Variants in CLIP1 observed in about 807,000 individuals in gnomAD.
CLIP1 encodes CAP-Gly domain containing linker protein 1, also known as CAP-Gly domain-containing linker protein 1.
A neutral mutation model predicts 161.6 loss-of-function variants in CLIP1; 66 were observed. The observed-to-expected ratio is 0.41, with a 90% CI of 0.33 to 0.50. The LOEUF is 0.50. Among genes scored for constraint, CLIP1 ranks in the 20% least tolerant of loss-of-function variants. The probability of loss-of-function intolerance (pLI) is 0.27; values close to 1 mark genes in which losing one functional copy is unlikely to be tolerated. For missense variants in CLIP1, 1,376 were observed against 1,702.0 expected, an observed-to-expected ratio of 0.81 and a Z score of 3.37; for synonymous variants, 598 against 626.2, an observed-to-expected ratio of 0.96 and a Z score of 0.67.
intron 17 of CLIP1, among the ~76,000 whole-genome samples, chr12:122,320,334 A>G (rs1386246662): frequency 6.6e-6 from 1 of 152,038 alleles, no homozygotes; most frequent in African/African-American, 2.4e-5. Context: ...TAGGCATGGT[A>G]GCATGTGCCT....
rs1175568394 is a variant in CLIP1 at position 122,341,902 on chromosome 12, G to A, written c.1507-205C>T. 12 of 365,194 alleles carry A rather than the reference G, an allele frequency of 3.3e-5. 1 individual carries two copies. Among genetic ancestry groups the A allele is most frequent in the Admixed American group, 2.3e-4 (5 of 21,614 alleles). The allele number at this position is 365,194 out of a possible 1,614,324, so 22.6% of individuals were successfully genotyped here. A position where few individuals can be genotyped will look rare whatever the true frequency, so the allele number is the denominator to read the frequency against. On this transcript the variant is annotated intron_variant, in intron 10 of 25. Transcript: ENST00000620786. ...GGGTTCAGGCGATTCTCCTGCCTCAGCCTCCTGAGTAGCTAGGATTACAGG... is the reference window on the plus strand; with the variant it reads ...GGGTTCAGGCGATTCTCCTGCCTCAACCTCCTGAGTAGCTAGGATTACAGG...
intron 1 of CLIP1, among the ~76,000 whole-genome samples, chr12:122,412,449 G>C (rs1378549317): frequency 1.3e-5 from 2 of 151,896 alleles, no homozygotes; most frequent in African/African-American, 4.8e-5. Context: ...GAGGTCATCA[G>C]TTTGAGACCA....
intron 23 of CLIP1, 106 bp downstream of exon 23, chr12:122,278,686 A>G: frequency 8.4e-7 from 1 of 1,192,528 alleles, no homozygotes; most frequent in Non-Finnish European, 1.2e-6. Context: ...AAGGAGAGTC[A>G]GGGTCAGGGC....
chr12:122,354,645 T>C, intron 6 of CLIP1, 89 bp from the exon 7 acceptor site: 2 of 1,020,696 alleles, frequency 2.0e-6, no homozygotes, highest in African/African-American at 1.6e-5. Context: ...TGGGTCACCA[T>C]GGTGGGTGGG....
In CLIP1 at chr12:122,318,075, G is replaced by C. The variant is rs536223919; in HGVS notation, c.3366+1157C>G. Among the ~76,000 whole-genome samples the C allele has an allele frequency of 8.5e-5, 13 of 152,262 alleles. No individual in the cohort carries two copies. In the South Asian group the frequency reaches 2.7e-3, roughly 32 times the overall value. ...TCTATAAATGTACTTCCTTCTATGTGAAGTGTTGTTATTTATCATATCATT... is the reference window on the plus strand; with the variant it reads ...TCTATAAATGTACTTCCTTCTATGTCAAGTGTTGTTATTTATCATATCATT... On this transcript the variant is annotated intron_variant, in intron 18 of 25. Transcript: ENST00000620786.
chr12:122,334,018 T>TC lies in CLIP1; in HGVS notation c.2710+8dup. 1 of 1,575,998 alleles carries TC rather than the reference T, an allele frequency of 6.3e-7. No homozygotes were observed. ...ATTTAATGTTTAGTCACCAGAGATG[T>TC]CTTCTTACCTGCTAAGTTTTCTCTC... On this transcript the variant is annotated intron_variant, in intron 14 of 25. Transcript: ENST00000620786.
chr12:122,272,796 T>C lies in CLIP1; in HGVS notation c.*79A>G. The stretch of plus-strand genomic sequence containing the variant: ...AAAAATAACATGAGTTCTCCTGAAG[T>C]CTGCACACACAATGCTGGTGTTACG... On this transcript the variant is annotated 3_prime_UTR_variant, in exon 26 of 26. Coordinates refer to ENST00000620786, the MANE Select transcript of CLIP1 (RefSeq NM_001247997.2). 3 of 1,213,722 alleles carry C rather than the reference T, an allele frequency of 2.5e-6. No homozygotes were observed. Among genetic ancestry groups the C allele is most frequent in the Non-Finnish European group, 3.7e-6 (3 of 820,690 alleles). 75.2% of individuals were successfully genotyped at this position (1,213,722 alleles called of 1,614,324 possible). A position where few individuals can be genotyped will look rare whatever the true frequency, so the allele number is the denominator to read the frequency against.
intron 1 of CLIP1, among the ~76,000 whole-genome samples, chr12:122,420,220 C>T (rs1471996769): frequency 1.3e-5 from 2 of 151,686 alleles, no homozygotes; most frequent in Non-Finnish European, 2.9e-5. Context: ...TGGCAGGCAC[C>T]TAAAATCCCA....
intron 1 of CLIP1, among the ~76,000 whole-genome samples, chr12:122,418,774 A>G (rs1056340789): frequency 6.6e-6 from 1 of 152,156 alleles, no homozygotes; most frequent in Non-Finnish European, 1.5e-5. Context: ...AAAAAAATAA[A>G]ATAAAATAAA....
intron 17 of CLIP1, among the ~76,000 whole-genome samples, chr12:122,319,875 A>G (rs1204586280): frequency 4.6e-5 from 7 of 152,252 alleles, no homozygotes; most frequent in Admixed American, 6.5e-5. Flanking sequence ...GTTTAACGAG[A>G]AGCATTTAAT....
intron 9 of CLIP1, among the ~76,000 whole-genome samples, chr12:122,349,703 T>C (rs1358482784): frequency 6.6e-6 from 1 of 152,074 alleles, no homozygotes; most frequent in Non-Finnish European, 1.5e-5. Context: ...GACAGGGGAT[T>C]GAGAAGGAAA....
At chr12:122,346,102 G>A (rs1344423554) in intron 10 of CLIP1, among the ~76,000 whole-genome samples, 2 of 152,074 alleles carry the variant, frequency 1.3e-5, no homozygotes, top group Admixed American at 6.6e-5. Context: ...TAATCTTTAC[G>A]CACAAAACAA....
intron 20 of CLIP1, among the ~76,000 whole-genome samples, chr12:122,288,928 G>A (rs987552693): frequency 3.4e-5 from 5 of 146,908 alleles, no homozygotes; most frequent in African/African-American, 1.3e-4. Context: ...CCATTCTCCT[G>A]CCTCAGCCTC....
chr12:122,315,680 AC>A (rs1322570241), intron 19 of CLIP1, among the ~76,000 whole-genome samples: 1 of 145,758 alleles, frequency 6.9e-6, no homozygotes, highest in Non-Finnish European at 1.5e-5. Flanking sequence ...TCGCTCTGTC[AC>A]CCAGGCTGGA....
rs1952229830 is a variant in CLIP1, at chr12:122,336,496, C to T, written c.2568+136G>A. On this transcript the variant is annotated intron_variant, in intron 12 of 25. Coordinates refer to ENST00000620786, the MANE Select transcript of CLIP1 (RefSeq NM_001247997.2). Reference sequence around the variant, plus strand: ...CCCCTCAAAGGACAATATTTATCAGCCAATAACTAATACACTCAAGTTGAA... The same window carrying T: ...CCCCTCAAAGGACAATATTTATCAGTCAATAACTAATACACTCAAGTTGAA... 5.0e-6 allele frequency: 3 copies of T among 603,496 alleles called. No homozygotes were observed. In the Admixed American group the frequency reaches 8.1e-5, roughly 16 times the overall value. 37.4% of individuals were successfully genotyped at this position (603,496 alleles called of 1,614,324 possible).
At chr12:122,321,900 A>AT (rs1261689332) in intron 17 of CLIP1, among the ~76,000 whole-genome samples, 3 of 152,096 alleles carry the variant, frequency 2.0e-5, no homozygotes, top group African/African-American at 7.2e-5. Flanking sequence ...ACAGTTTGCA[A>AT]TTTTTTTCAA....
chr12:122,328,898 G>C (rs962626874), intron 15 of CLIP1, among the ~76,000 whole-genome samples: 45 of 152,102 alleles, frequency 3.0e-4, no homozygotes, highest in African/African-American at 1.1e-3. Context: ...ATTTTAAAAT[G>C]CTTTGCCTAA....
intron 21 of CLIP1, among the ~76,000 whole-genome samples, chr12:122,286,200 C>T (rs932698942): frequency 6.6e-6 from 1 of 152,082 alleles, no homozygotes; most frequent in Non-Finnish European, 1.5e-5. Context: ...CACAGACATT[C>T]TCTAAATAAA....
chr12:122,278,136 A>G lies in CLIP1; in HGVS notation c.3966+18T>C. 1.2e-6 allele frequency: 2 copies of G among 1,606,338 alleles called. No individual in the cohort carries two copies. The highest frequency in any genetic ancestry group is 8.5e-7 in the Non-Finnish European group (1 of 1,176,790). On this transcript the variant is annotated intron_variant, in intron 24 of 25. Transcript: ENST00000620786. ...TGAAAAACAGCAAGAAAGTAAAGCA[A>G]TAAGGCAGGAACATTACCTGACTCT...
Sources: allele counts gnomAD v4.1 joint callset (sites outside exome capture counted in the v4.1 genomes callset), GRCh38; gene constraint gnomAD v4.1.1; transcripts MANE v1.5; gene names NCBI Gene and HGNC (gene_info 2026-07-23, HGNC 2026-07-21).